The following MAGI2 variants were observed in gnomAD, a reference collection of about 807,000 sequenced individuals.
MAGI2 encodes membrane associated guanylate kinase, WW and PDZ domain containing 2, also known as membrane-associated guanylate kinase, WW and PDZ domain-containing protein 2.
MAGI2 carries 35 observed loss-of-function variants against 133.3 expected under a neutral mutation model. That is an observed-to-expected ratio of 0.26 (90% CI 0.20 to 0.35). MAGI2 has a LOEUF of 0.35. Among genes scored for constraint, MAGI2 ranks in the 10% least tolerant of loss-of-function variants. The probability of loss-of-function intolerance (pLI) is 1.00; values close to 1 mark genes in which losing one functional copy is unlikely to be tolerated. For synonymous variants in MAGI2, 729 were observed against 710.6 expected, an observed-to-expected ratio of 1.03 and a Z score of -0.41; for missense variants, 1,636 against 1,863.4, an observed-to-expected ratio of 0.88 and a Z score of 2.25.
At chr7:78,644,212 T>G (rs1810604582) in intron 2 of MAGI2, among the ~76,000 whole-genome samples, 1 of 152,062 alleles carries the variant, frequency 6.6e-6, no homozygotes, top group African/African-American at 2.4e-5. Flanking sequence ...AAATTGATAA[T>G]TCCACAATTA....
intron 8 of MAGI2, among the ~76,000 whole-genome samples, chr7:78,344,900 A>ATATCTGCT (rs1215882284): frequency 6.6e-6 from 1 of 152,232 alleles, no homozygotes; most frequent in Non-Finnish European, 1.5e-5. Context: ...GAAACAATTA[A>ATATCTGCT]TATCTGCTTT....
intron 2 of MAGI2, among the ~76,000 whole-genome samples, chr7:78,909,892 C>T (rs749508762): frequency 1.2e-4 from 19 of 152,084 alleles, no homozygotes; most frequent in Admixed American, 4.6e-4. Flanking sequence ...ACCCAAATGC[C>T]CATCAGTGAT....
rs1465221 is a variant in MAGI2 at position 78,134,936 on chromosome 7, G to A, written c.3031+85C>T. The A allele has an allele frequency of 0.31, 389,315 of 1,254,610 alleles. 61,098 individuals carry two copies. The highest frequency in any genetic ancestry group is 0.32 in the Non-Finnish European group (281,763 of 883,556). 77.7% of individuals were successfully genotyped at this position (1,254,610 alleles called of 1,614,324 possible). ...CAGTGACGGCAGGCAGGTGCACTCC[G>A]CGACCCTGGCGGGCAGGCTGAGAAC... On this transcript the variant is annotated intron_variant, in intron 17 of 21. Transcript: ENST00000354212.
At chr7:79,013,712 A>G (rs867710248) in intron 1 of MAGI2, among the ~76,000 whole-genome samples, 7 of 152,134 alleles carry the variant, frequency 4.6e-5, no homozygotes, top group South Asian at 2.1e-4. Context: ...GATGATCTAG[A>G]GGCCCATCTC....
At chr7:78,687,248 G>A (rs1563354304) in intron 2 of MAGI2, among the ~76,000 whole-genome samples, 1 of 152,074 alleles carries the variant, frequency 6.6e-6, no homozygotes, top group Non-Finnish European at 1.5e-5. Context: ...ATACGATCAG[G>A]AGTATATAAA....
intron 1 of MAGI2, among the ~76,000 whole-genome samples, chr7:79,450,947 T>C (rs1312312433): frequency 6.6e-6 from 1 of 152,218 alleles, no homozygotes; most frequent in African/African-American, 2.4e-5. Flanking sequence ...TTTTGTCCTG[T>C]GGGCTATCAC....
At chr7:78,119,710 G>C (rs571814606) in intron 20 of MAGI2, among the ~76,000 whole-genome samples, 5 of 151,992 alleles carry the variant, frequency 3.3e-5, no homozygotes, top group African/African-American at 1.2e-4. Flanking sequence ...TAGAGAGGAG[G>C]CTGTGCATGT....
At chr7:78,145,492 T>C (rs546591165) in intron 16 of MAGI2, among the ~76,000 whole-genome samples, 4 of 152,272 alleles carry the variant, frequency 2.6e-5, no homozygotes, top group Middle Eastern at 6.8e-3. Context: ...CAACTCTCAT[T>C]AGATATTGGC....
At chr7:78,379,574 G>A (rs1794736356) in intron 6 of MAGI2, among the ~76,000 whole-genome samples, 2 of 151,920 alleles carry the variant, frequency 1.3e-5, no homozygotes, top group African/African-American at 4.8e-5. Context: ...GGAGCTGTGA[G>A]GAAAAACACA....
intron 1 of MAGI2, among the ~76,000 whole-genome samples, chr7:79,052,772 C>T (rs890144830): frequency 4.0e-4 from 61 of 152,096 alleles, no homozygotes; most frequent in African/African-American, 1.3e-3. Flanking sequence ...CTAATTTCTT[C>T]TTATAACTTG....
chr7:78,966,883 G>A (rs964699077), intron 2 of MAGI2, among the ~76,000 whole-genome samples: 7 of 140,672 alleles, frequency 5.0e-5, no homozygotes, highest in African/African-American at 1.9e-4. Context: ...GTGATGATTA[G>A]TGATGTTGAA....
intron 2 of MAGI2, among the ~76,000 whole-genome samples, chr7:78,872,600 G>A (rs1795119959): frequency 1.3e-5 from 2 of 149,632 alleles, no homozygotes; most frequent in Non-Finnish European, 1.5e-5. Flanking sequence ...AATAAGACAA[G>A]GGTAACTGTC....
At chr7:78,845,864 A>T (rs113706471) in intron 2 of MAGI2, among the ~76,000 whole-genome samples, 1 of 151,910 alleles carries the variant, frequency 6.6e-6, no homozygotes, top group African/African-American at 2.4e-5. Context: ...ATTGGGTCAG[A>T]GGGGAGAGTG....
At chr7:78,495,203 G>A (rs1184445740) in intron 5 of MAGI2, among the ~76,000 whole-genome samples, 3 of 152,056 alleles carry the variant, frequency 2.0e-5, no homozygotes, top group Non-Finnish European at 4.4e-5. Flanking sequence ...ATGGTGGTTT[G>A]CTGCACCCAC....
At chr7:79,157,273 G>GGC (rs1012208851) in intron 1 of MAGI2, among the ~76,000 whole-genome samples, 15 of 152,120 alleles carry the variant, frequency 9.9e-5, no homozygotes, top group Admixed American at 2.6e-4. Context: ...GGGACCTTAT[G>GGC]GCAGTGTCTG....
At chr7:79,006,252 C>G (rs1054308476) in intron 2 of MAGI2, among the ~76,000 whole-genome samples, 16 of 152,254 alleles carry the variant, frequency 1.1e-4, no homozygotes, top group African/African-American at 3.8e-4. Flanking sequence ...TTTCAGGACT[C>G]ATAGCTTTGA....
chr7:78,360,646 A>G (rs1792677979), intron 7 of MAGI2, among the ~76,000 whole-genome samples: 1 of 152,232 alleles, frequency 6.6e-6, no homozygotes, highest in Non-Finnish European at 1.5e-5. Flanking sequence ...GGATTGTCCA[A>G]TGAAAGATGC....
chr7:78,113,694 CTTT>C (rs1393984598), intron 20 of MAGI2, among the ~76,000 whole-genome samples: 2 of 152,118 alleles, frequency 1.3e-5, no homozygotes, highest in African/African-American at 2.4e-5. Context: ...AAGTGTACTT[CTTT>C]GATAGTTGCA....
chr7:78,314,865 G>A (rs1368267545), intron 9 of MAGI2, among the ~76,000 whole-genome samples: 1 of 152,138 alleles, frequency 6.6e-6, no homozygotes, highest in Non-Finnish European at 1.5e-5. Context: ...CTATTCGATT[G>A]TATTCAATTG....
Sources: allele counts gnomAD v4.1 joint callset (sites outside exome capture counted in the v4.1 genomes callset), GRCh38; gene constraint gnomAD v4.1.1; transcripts MANE v1.5; gene names NCBI Gene and HGNC (gene_info 2026-07-23, HGNC 2026-07-21).